The following CMSS1 variants were observed in gnomAD, a reference collection of about 807,000 sequenced individuals.
CMSS1 encodes cms1 ribosomal small subunit homolog, also known as protein CMSS1.
CMSS1 carries 33 observed loss-of-function variants against 43.5 expected under a neutral mutation model. The observed-to-expected ratio is 0.76, with a 90% CI of 0.57 to 1.01. CMSS1 has a LOEUF of 1.01. CMSS1 is among the 50% of genes least tolerant of loss of function. The probability of loss-of-function intolerance (pLI) is 0.00; values close to 1 mark genes in which losing one functional copy is unlikely to be tolerated. For missense variants in CMSS1, 313 were observed against 326.4 expected (o/e 0.96, Z 0.32); for synonymous variants, 115 against 117.2 (o/e 0.98, Z 0.12).
intron 4 of CMSS1, among the ~76,000 whole-genome samples, chr3:100,165,159 C>T (rs2067055857): frequency 6.6e-6 from 1 of 152,126 alleles, no homozygotes; most frequent in Non-Finnish European, 1.5e-5. Context: ...TTCAGTTCTC[C>T]AGGTGAGTCT....
chr3:100,053,804 A>C (rs1313300232), intron 1 of CMSS1, among the ~76,000 whole-genome samples: 2 of 152,220 alleles, frequency 1.3e-5, no homozygotes, highest in African/African-American at 4.8e-5. Context: ...TCAATTCTTT[A>C]GTGACTGCCA....
At chr3:100,007,837 G>A (rs973402989) in intron 1 of CMSS1, among the ~76,000 whole-genome samples, 2 of 152,192 alleles carry the variant, frequency 1.3e-5, no homozygotes, top group Middle Eastern at 3.2e-3. Flanking sequence ...CACTGAGGGA[G>A]TACAGACAGG....
At chr3:99,915,482 C>T (rs1706923253) in intron 1 of CMSS1, among the ~76,000 whole-genome samples, 1 of 152,110 alleles carries the variant, frequency 6.6e-6, no homozygotes, top group South Asian at 2.1e-4. Flanking sequence ...GCATTGGAGA[C>T]TTTGGATGTA....
rs562878197 is a variant in CMSS1, at chr3:100,007,059, G to T, written c.65-139914G>T. Among the ~76,000 whole-genome samples, 8 of 152,196 alleles carry T rather than the reference G, an allele frequency of 5.3e-5. No homozygotes were observed. In the South Asian group the frequency reaches 1.7e-3, roughly 32 times the overall value. On this transcript the variant is annotated intron_variant, in intron 1 of 9. Coordinates refer to ENST00000421999, the MANE Select transcript of CMSS1 (RefSeq NM_032359.4). The stretch of plus-strand genomic sequence containing the variant: ...CCTTAGCTGGTATTTTCCACATGAG[G>T]TTTACACCATCTTGTGGCCTACAGT...
intron 1 of CMSS1, among the ~76,000 whole-genome samples, chr3:100,004,760 C>G (rs988997742): frequency 6.6e-6 from 1 of 152,122 alleles, no homozygotes; most frequent in African/African-American, 2.4e-5. Flanking sequence ...AAAGTGGAAG[C>G]ACGTAATGTC....
chr3:100,072,595 G>A (rs566041765), intron 1 of CMSS1, among the ~76,000 whole-genome samples: 5 of 152,244 alleles, frequency 3.3e-5, no homozygotes, highest in South Asian at 2.1e-4. Flanking sequence ...ACCGACCATC[G>A]CACCCCACCT....
intron 1 of CMSS1, among the ~76,000 whole-genome samples, chr3:99,881,909 G>A (rs1296739059): frequency 6.6e-6 from 1 of 152,118 alleles, no homozygotes; most frequent in Non-Finnish European, 1.5e-5. Flanking sequence ...CTTGATTTCA[G>A]GGTAAGTATT....
intron 1 of CMSS1, among the ~76,000 whole-genome samples, chr3:100,137,841 C>T (rs553389254): frequency 5.9e-5 from 9 of 152,196 alleles, no homozygotes; most frequent in Non-Finnish European, 1.2e-4. Flanking sequence ...GCTGGGATTA[C>T]AGGCTGAGCT....
At chr3:99,923,910 C>T (rs1298371615) in intron 1 of CMSS1, among the ~76,000 whole-genome samples, 1 of 152,210 alleles carries the variant, frequency 6.6e-6, no homozygotes, top group East Asian at 1.9e-4. Context: ...ACACTTATTT[C>T]ACCCCTTGCC....
chr3:100,094,935 G>A (rs201764314), intron 1 of CMSS1, among the ~76,000 whole-genome samples: 6 of 151,958 alleles, frequency 3.9e-5, no homozygotes, highest in South Asian at 4.2e-4. Context: ...TGATCCACCC[G>A]CCTCGGCCTC....
At chr3:99,952,987 A>T (rs1194903216) in intron 1 of CMSS1, among the ~76,000 whole-genome samples, 2 of 152,156 alleles carry the variant, frequency 1.3e-5, no homozygotes, top group African/African-American at 4.8e-5. Context: ...TTGTCACTGA[A>T]CTGAGTGGTC....
intron 1 of CMSS1, among the ~76,000 whole-genome samples, chr3:99,992,822 A>G (rs533380894): frequency 6.6e-6 from 1 of 152,188 alleles, no homozygotes; most frequent in East Asian, 1.9e-4. Flanking sequence ...TCTTTAATCC[A>G]TCTTGGGTTA....
At chr3:100,145,167 A>G (rs978881319) in intron 1 of CMSS1, among the ~76,000 whole-genome samples, 1 of 152,116 alleles carries the variant, frequency 6.6e-6, no homozygotes, top group Non-Finnish European at 1.5e-5. Context: ...TAGGCTGGGT[A>G]TGGTGGCTCA....
chr3:100,122,640 C>T (rs138461446), intron 1 of CMSS1, among the ~76,000 whole-genome samples: 4 of 152,342 alleles, frequency 2.6e-5, no homozygotes, highest in African/African-American at 7.2e-5. Context: ...TGCTCTCAAC[C>T]GCAAATAGCT....
At chr3:100,090,440 A>ATTTAGAGAAAGCAATTCCACCTCTGAT (rs1414956551) in intron 1 of CMSS1, among the ~76,000 whole-genome samples, 8 of 152,240 alleles carry the variant, frequency 5.3e-5, no homozygotes, top group Non-Finnish European at 1.2e-4. Flanking sequence ...TTTCTAAGAA[A>ATTTAGAGAAAGCAATTCCACCTCTGAT]TTTAGAGAAA....
chr3:99,853,862 G>GA (rs1160389263), intron 1 of CMSS1, among the ~76,000 whole-genome samples: 2 of 152,156 alleles, frequency 1.3e-5, no homozygotes, highest in Non-Finnish European at 2.9e-5. Context: ...TTTATATGCA[G>GA]AAAAAACTAT....
intron 1 of CMSS1, among the ~76,000 whole-genome samples, chr3:100,064,988 G>A (rs1243297160): frequency 6.6e-6 from 1 of 152,178 alleles, no homozygotes; most frequent in Non-Finnish European, 1.5e-5. Context: ...ACATGTGTGT[G>A]TAACAAAACA....
chr3:100,178,331 G>A lies in CMSS1; in HGVS notation c.783G>A (p.Leu261=), dbSNP rs761443718. 3.1e-6 allele frequency: 5 copies of A among 1,612,856 alleles called. No individual in the cohort carries two copies. The East Asian group carries it at 1.1e-4, about 36-fold the overall frequency. The part of the protein sequence containing the change: ...PEIRKEVFEL[L]EMGVLSLCKS... Reference sequence around the variant, plus strand: ...TAAGAAAGGAGGTATTCGAACTTCTGGAAATGGGAGTGCTCAGTCTGTGCA... The same window carrying A: ...TAAGAAAGGAGGTATTCGAACTTCTAGAAATGGGAGTGCTCAGTCTGTGCA... The change falls in exon 10 of 10, where the codon CTG becomes CTA. Residue 261 remains leucine, a synonymous_variant. Transcript: ENST00000421999.
At chr3:99,978,717 A>G (rs1223147370) in intron 1 of CMSS1, among the ~76,000 whole-genome samples, 1 of 152,152 alleles carries the variant, frequency 6.6e-6, no homozygotes, top group Non-Finnish European at 1.5e-5. Context: ...TAACATGGCA[A>G]AACCCCGCCT....
Sources: allele counts gnomAD v4.1 joint callset (sites outside exome capture counted in the v4.1 genomes callset), GRCh38; gene constraint gnomAD v4.1.1; transcripts MANE v1.5; gene names NCBI Gene and HGNC (gene_info 2026-07-23, HGNC 2026-07-21).